Variants in HDAC4 observed in about 807,000 individuals in gnomAD.
HDAC4 encodes the protein histone deacetylase A.
Under a neutral mutation model 135.1 loss-of-function variants are expected in HDAC4, and 16 were observed. The ratio of observed to expected loss-of-function variants is 0.12; its 90% CI spans 0.08 to 0.18. HDAC4 has a LOEUF of 0.18. HDAC4 is among the 10% of genes least tolerant of loss of function. HDAC4 has a pLI of 1.00. For synonymous variants in HDAC4, 685 were observed against 653.4 expected (o/e 1.05, Z -0.74); for missense variants, 1,143 against 1,511.8 (o/e 0.76, Z 4.05).
At chr2:239,391,201 C>T (rs779383277) in intron 1 of HDAC4, among the ~76,000 whole-genome samples, 5 of 152,232 alleles carry the variant, frequency 3.3e-5, no homozygotes, top group East Asian at 1.9e-4. Context: ...CCCTAACAAG[C>T]GCAGCATGCC....
At chr2:239,237,284 T>G (rs1394703561) in intron 2 of HDAC4, among the ~76,000 whole-genome samples, 1 of 151,978 alleles carries the variant, frequency 6.6e-6, no homozygotes, top group African/African-American at 2.4e-5. Context: ...ACCCACCACC[T>G]AAACCTGGCA....
chr2:239,315,907 C>T lies in HDAC4; in HGVS notation c.22+36771G>A, dbSNP rs555058985. 2.6e-5 allele frequency among the ~76,000 whole-genome samples: 4 copies of T among 152,236 alleles called. No homozygotes were observed. The South Asian group carries it at 6.2e-4, about 24-fold the overall frequency. On this transcript the variant is annotated intron_variant, in intron 2 of 26. Transcript: ENST00000543185. Reference sequence around the variant, plus strand: ...GTAAGTTTGATACATGGAGGAAAAACCTTTTACAGGGTGAAAGCAGCATGA... The same window carrying T: ...GTAAGTTTGATACATGGAGGAAAAATCTTTTACAGGGTGAAAGCAGCATGA...
chr2:239,084,563 C>T (rs2035695733), intron 19 of HDAC4, among the ~76,000 whole-genome samples: 1 of 151,678 alleles, frequency 6.6e-6, no homozygotes, highest in Non-Finnish European at 1.5e-5. Context: ...ATGCACACAC[C>T]CCACACAGAC....
At chr2:239,348,206 G>A (rs1265920427) in intron 2 of HDAC4, among the ~76,000 whole-genome samples, 3 of 144,026 alleles carry the variant, frequency 2.1e-5, no homozygotes, top group East Asian at 2.1e-4. Context: ...CCACAGACAC[G>A]TCCCAGCAAA....
At chr2:239,130,743 C>A (rs1418883885) in intron 11 of HDAC4, among the ~76,000 whole-genome samples, 1 of 152,194 alleles carries the variant, frequency 6.6e-6, no homozygotes, top group East Asian at 1.9e-4. Context: ...CAGCCCTGGT[C>A]TCCAGCCTTC....
At chr2:239,070,359 G>C (rs1441987704) in intron 22 of HDAC4, among the ~76,000 whole-genome samples, 1 of 152,184 alleles carries the variant, frequency 6.6e-6, no homozygotes, top group Non-Finnish European at 1.5e-5. Context: ...ATTATATTAG[G>C]GAAATAAGGA....
intron 3 of HDAC4, among the ~76,000 whole-genome samples, chr2:239,198,542 C>T (rs952725618): frequency 1.3e-5 from 2 of 152,208 alleles, no homozygotes; most frequent in Non-Finnish European, 2.9e-5. Context: ...CAGCTTGCTC[C>T]TGTCCCCATG....
rs1174538279 is a variant in HDAC4 at position 239,106,461 on chromosome 2, G to A, written c.2112+1589C>T. 4.6e-5 allele frequency among the ~76,000 whole-genome samples: 7 copies of A among 152,258 alleles called. No homozygotes were observed. In the East Asian group the frequency reaches 1.4e-3, roughly 30 times the overall value. ...GGTCCTGTGGAGGGAAGGGACGTGG[G>A]GAAGGAGTTTCCTGCAGCCAGTGTC... On this transcript the variant is annotated intron_variant, in intron 15 of 26. Transcript: ENST00000543185.
At chr2:239,382,322 T>C (rs1002549823) in intron 1 of HDAC4, among the ~76,000 whole-genome samples, 1 of 152,270 alleles carries the variant, frequency 6.6e-6, no homozygotes, top group Non-Finnish European at 1.5e-5. Flanking sequence ...TCATAAAACG[T>C]CGCTTCTGCC....
intron 3 of HDAC4, among the ~76,000 whole-genome samples, chr2:239,228,483 C>A (rs2047368950): frequency 6.6e-6 from 1 of 152,098 alleles, no homozygotes; most frequent in Non-Finnish European, 1.5e-5. Flanking sequence ...TGTTCTTGGC[C>A]CCGCAGTGTT....
At chr2:239,334,877 T>C (rs1004279122) in intron 2 of HDAC4, among the ~76,000 whole-genome samples, 2 of 151,858 alleles carry the variant, frequency 1.3e-5, no homozygotes, top group Admixed American at 6.6e-5. Flanking sequence ...ACAAAAAAAT[T>C]AGCTGGGCAT....
chr2:239,192,890 T>G (rs1337867073), intron 3 of HDAC4, among the ~76,000 whole-genome samples: 1 of 152,212 alleles, frequency 6.6e-6, no homozygotes, highest in Admixed American at 6.5e-5. Context: ...TGCATTTATC[T>G]CCAGGAAGGG....
intron 2 of HDAC4, among the ~76,000 whole-genome samples, chr2:239,246,172 G>C (rs1418151505): frequency 6.6e-6 from 1 of 152,214 alleles, no homozygotes; most frequent in Non-Finnish European, 1.5e-5. Context: ...GAGCCCGCTG[G>C]ACACGCAGAC....
chr2:239,201,436 A>G (rs1318894636), intron 3 of HDAC4, among the ~76,000 whole-genome samples: 2 of 151,950 alleles, frequency 1.3e-5, no homozygotes, highest in Non-Finnish European at 2.9e-5. Context: ...GGCCTGCCCG[A>G]CCCCTCGGCC....
At chr2:239,204,263 G>C (rs373829119) in intron 3 of HDAC4, among the ~76,000 whole-genome samples, 13 of 152,320 alleles carry the variant, frequency 8.5e-5, no homozygotes, top group East Asian at 3.9e-4. Flanking sequence ...ATAGACAGCC[G>C]ACCACAATGC....
Position 239,188,009 on chromosome 2 carries a change from C to A in HDAC4, c.339+1824G>T, listed in dbSNP as rs117957812. ...AAAGCAGCAGCAACAACTCCCAAGCCAACAAATGCCAAGGCAACGGTGCCA... is the reference window on the plus strand; with the variant it reads ...AAAGCAGCAGCAACAACTCCCAAGCAAACAAATGCCAAGGCAACGGTGCCA... On this transcript the variant is annotated intron_variant, in intron 4 of 26. Transcript: ENST00000543185. Among the ~76,000 whole-genome samples, 38 of 152,344 alleles carry A rather than the reference C, an allele frequency of 2.5e-4. No individual in the cohort carries two copies. The East Asian group carries it at 7.1e-3, about 29-fold the overall frequency.
intron 17 of HDAC4, among the ~76,000 whole-genome samples, chr2:239,093,216 C>A (rs562996684): frequency 1.7e-4 from 26 of 152,322 alleles, no homozygotes; most frequent in Non-Finnish European, 3.7e-4. Flanking sequence ...CATTTCCCAG[C>A]GCCGAGGAGT....
intron 3 of HDAC4, among the ~76,000 whole-genome samples, chr2:239,191,579 T>C (rs573717304): frequency 2.1e-4 from 32 of 152,294 alleles, no homozygotes; most frequent in African/African-American, 5.8e-4. Flanking sequence ...GGAAATGCTT[T>C]GGGGGAGGCC....
intron 5 of HDAC4, among the ~76,000 whole-genome samples, chr2:239,170,147 A>T (rs2043361593): frequency 6.6e-6 from 1 of 152,276 alleles, no homozygotes; most frequent in Non-Finnish European, 1.5e-5. Context: ...ATAGCTAAAT[A>T]GAGGAATAAA....
Sources: gnomAD v4.1 joint callset for allele counts (sites outside exome capture counted in the v4.1 genomes callset) on GRCh38, gnomAD v4.1.1 for gene constraint, MANE v1.5 for transcripts, NCBI Gene and HGNC (gene_info 2026-07-23, HGNC 2026-07-21) for gene names.